SCHIP1: variants seen among roughly 807,000 people sequenced by gnomAD.
SCHIP1 encodes schwannomin-interacting protein 1.
SCHIP1 carries 8 observed loss-of-function variants against 29.7 expected under a neutral mutation model. The ratio of observed to expected loss-of-function variants is 0.27; its 90% CI spans 0.16 to 0.49. The LOEUF is 0.49. SCHIP1 is among the 20% of genes least tolerant of loss of function. The probability of loss-of-function intolerance (pLI) is 0.99; values close to 1 mark genes in which losing one functional copy is unlikely to be tolerated. For synonymous variants in SCHIP1, 76 were observed against 94.9 expected (o/e 0.80, Z 1.16); for missense variants, 193 against 294.6 (o/e 0.66, Z 2.52).
chr3:159,800,666 A>G, the SCHIP1 span, among the ~76,000 whole-genome samples: 2 of 149,830 alleles, frequency 1.3e-5, no homozygotes, highest in African/African-American at 4.9e-5. Flanking sequence ...AAAGCTAACC[A>G]TGCCAGATCT....
At chr3:159,453,182 C>T in the SCHIP1 span, among the ~76,000 whole-genome samples, 8 of 152,260 alleles carry the variant, frequency 5.3e-5, no homozygotes, top group African/African-American at 1.4e-4. Context: ...GGAGACTGCA[C>T]GGGACAAGAA....
the SCHIP1 span, among the ~76,000 whole-genome samples, chr3:159,545,025 T>G: frequency 7.9e-5 from 12 of 152,230 alleles, no homozygotes; most frequent in Non-Finnish European, 1.8e-4. Flanking sequence ...AGGTGATATT[T>G]GTAGATGATC....
At chr3:159,537,577 G>A in the SCHIP1 span, among the ~76,000 whole-genome samples, 1 of 152,070 alleles carries the variant, frequency 6.6e-6, no homozygotes, top group East Asian at 1.9e-4. Context: ...TTGCTATGCT[G>A]TACCCCACCT....
At chr3:159,667,021 A>G in the SCHIP1 span, among the ~76,000 whole-genome samples, 1 of 152,230 alleles carries the variant, frequency 6.6e-6, no homozygotes, top group African/African-American at 2.4e-5. Flanking sequence ...TCTGCCTGTG[A>G]GAGTGCATGA....
At chr3:159,596,435 C>T in the SCHIP1 span, among the ~76,000 whole-genome samples, 1 of 152,130 alleles carries the variant, frequency 6.6e-6, no homozygotes, top group African/African-American at 2.4e-5. Flanking sequence ...TTGACCCAGC[C>T]ATCCTATTAC....
chr3:159,468,094 G>A, the SCHIP1 span, among the ~76,000 whole-genome samples: 3 of 152,054 alleles, frequency 2.0e-5, no homozygotes, highest in Non-Finnish European at 2.9e-5. Flanking sequence ...ATTTGTCAAA[G>A]TCTATATTAT....
At chr3:159,496,239 C>T in the SCHIP1 span, among the ~76,000 whole-genome samples, 2 of 152,062 alleles carry the variant, frequency 1.3e-5, no homozygotes, top group Non-Finnish European at 2.9e-5. Context: ...GCAACAAAAA[C>T]CAAAATTGAC....
chr3:159,461,226 T>C, the SCHIP1 span, among the ~76,000 whole-genome samples: 3 of 152,160 alleles, frequency 2.0e-5, no homozygotes, highest in African/African-American at 7.2e-5. Flanking sequence ...CATACCTTCC[T>C]CTAAAAGTTG....
chr3:159,585,182 G>A, the SCHIP1 span, among the ~76,000 whole-genome samples: 1 of 151,476 alleles, frequency 6.6e-6, no homozygotes, highest in Non-Finnish European at 1.5e-5. Flanking sequence ...GTTTTTGCTT[G>A]TCTAACTCCC....
At chr3:159,807,513 G>A in the SCHIP1 span, among the ~76,000 whole-genome samples, 1 of 152,114 alleles carries the variant, frequency 6.6e-6, no homozygotes, top group Non-Finnish European at 1.5e-5. Context: ...AAAAATAAGA[G>A]TATTTTTAGA....
At chr3:159,345,577 T>TCTCTCA in the SCHIP1 span, among the ~76,000 whole-genome samples, 3 of 151,762 alleles carry the variant, frequency 2.0e-5, no homozygotes, top group African/African-American at 7.3e-5. Context: ...TCTCTCTCTC[T>TCTCTCA]CTCACTCACT....
chr3:159,387,935 C>T, the SCHIP1 span, among the ~76,000 whole-genome samples: 2 of 151,946 alleles, frequency 1.3e-5, no homozygotes, highest in Non-Finnish European at 2.9e-5. Flanking sequence ...TCAATAGTTG[C>T]CATTTTTGCC....
At chr3:159,396,196 T>G in the SCHIP1 span, among the ~76,000 whole-genome samples, 1 of 150,864 alleles carries the variant, frequency 6.6e-6, no homozygotes, top group Non-Finnish European at 1.5e-5. Context: ...CATCCTTTTA[T>G]TTTGAGCCTA....
intron 1 of SCHIP1, among the ~76,000 whole-genome samples, chr3:159,848,414 C>CA (rs1712134393): frequency 6.6e-6 from 1 of 152,174 alleles, no homozygotes; most frequent in South Asian, 2.1e-4. Context: ...GGCAAACCAT[C>CA]AGGCATTACA....
chr3:159,501,928 A>G, the SCHIP1 span, among the ~76,000 whole-genome samples: 1 of 152,234 alleles, frequency 6.6e-6, no homozygotes, highest in Non-Finnish European at 1.5e-5. Flanking sequence ...TCATAGTCAT[A>G]CAGCAACTTT....
chr3:159,320,305 A>C, the SCHIP1 span, among the ~76,000 whole-genome samples: 2 of 152,162 alleles, frequency 1.3e-5, no homozygotes, highest in Admixed American at 1.3e-4. Flanking sequence ...TGCCCCTTTC[A>C]CCATGTGAGG....
chr3:159,849,825 T>C (rs527542246), intron 1 of SCHIP1, among the ~76,000 whole-genome samples: 2 of 152,376 alleles, frequency 1.3e-5, no homozygotes, highest in South Asian at 4.1e-4. Flanking sequence ...AAAGCACTAT[T>C]AATGTTTCCT....
the SCHIP1 span, among the ~76,000 whole-genome samples, chr3:159,627,427 T>A: frequency 6.6e-6 from 1 of 152,238 alleles, no homozygotes; most frequent in African/African-American, 2.4e-5. Context: ...CCAGACACTA[T>A]TCTCAGCAAA....
chr3:159,651,346 G>GA, the SCHIP1 span, among the ~76,000 whole-genome samples: 1 of 152,008 alleles, frequency 6.6e-6, no homozygotes, highest in Non-Finnish European at 1.5e-5. Flanking sequence ...CAGCAAGGAA[G>GA]TTTTTTTTAG....
Sources: allele counts gnomAD v4.1 joint callset (sites outside exome capture counted in the v4.1 genomes callset), GRCh38; gene constraint gnomAD v4.1.1; transcripts MANE v1.5; gene names NCBI Gene and HGNC (gene_info 2026-07-23, HGNC 2026-07-21).